The following CDH18 variants were observed in gnomAD, a reference collection of about 807,000 sequenced individuals.
CDH18 encodes the protein cadherin-18.
Under a neutral mutation model 67.9 loss-of-function variants are expected in CDH18, and 31 were observed. The ratio of observed to expected loss-of-function variants is 0.46; its 90% CI spans 0.34 to 0.62. The LOEUF is 0.62. CDH18 is among the 20% of genes least tolerant of loss of function. The probability of loss-of-function intolerance (pLI) is 0.01; values close to 1 mark genes in which losing one functional copy is unlikely to be tolerated. For synonymous variants in CDH18, 362 were observed against 347.2 expected (o/e 1.04, Z -0.48); for missense variants, 890 against 975.5 (o/e 0.91, Z 1.17).
At chr5:19,954,950 A>G (rs1330012817) in intron 2 of CDH18, among the ~76,000 whole-genome samples, 1 of 152,050 alleles carries the variant, frequency 6.6e-6, no homozygotes, top group Non-Finnish European at 1.5e-5. Context: ...GTCTTCACCC[A>G]AATCTCACCA....
At chr5:19,753,399 T>A (rs1240870120) in intron 3 of CDH18, among the ~76,000 whole-genome samples, 1 of 152,116 alleles carries the variant, frequency 6.6e-6, no homozygotes, top group Non-Finnish European at 1.5e-5. Flanking sequence ...TTCTGGAAAG[T>A]CTTAGCAATA....
At chr5:20,004,872 G>A (rs1188587130) in intron 2 of CDH18, among the ~76,000 whole-genome samples, 3 of 151,902 alleles carry the variant, frequency 2.0e-5, no homozygotes, top group African/African-American at 7.2e-5. Context: ...AAATAACAGA[G>A]AAAATAAAAA....
chr5:19,490,394 GTTTTTTTTTTTTTT>G (rs70950073), intron 11 of CDH18, among the ~76,000 whole-genome samples: 7 of 60,210 alleles, frequency 1.2e-4, no homozygotes, highest in South Asian at 6.1e-4. Flanking sequence ...ATAAAAATCT[GTTTTTTTTTTTTTT>G]TTTTTTTTTT....
intron 1 of CDH18, among the ~76,000 whole-genome samples, chr5:20,262,004 A>G (rs1216094468): frequency 1.3e-5 from 2 of 152,220 alleles, no homozygotes; most frequent in African/African-American, 2.4e-5. Flanking sequence ...CAACCTAAAA[A>G]TGATAATTCA....
intron 1 of CDH18, among the ~76,000 whole-genome samples, chr5:20,376,386 C>A (rs188227634): frequency 3.4e-4 from 51 of 151,450 alleles, no homozygotes; most frequent in African/African-American, 1.1e-3. Flanking sequence ...CCGCTCCCGG[C>A]CAAAAACGCA....
chr5:19,546,823 A>G (rs751016585), intron 8 of CDH18, among the ~76,000 whole-genome samples: 2 of 152,194 alleles, frequency 1.3e-5, no homozygotes, highest in Non-Finnish European at 2.9e-5. Context: ...TTATCAGTAA[A>G]AAACACATAA....
chr5:19,922,939 A>G (rs1397054836), intron 2 of CDH18, among the ~76,000 whole-genome samples: 1 of 152,174 alleles, frequency 6.6e-6, no homozygotes, highest in Non-Finnish European at 1.5e-5. Flanking sequence ...CCTCTCAAAT[A>G]TCCTTTTTAA....
intron 5 of CDH18, among the ~76,000 whole-genome samples, chr5:19,653,140 T>G (rs937501860): frequency 4.0e-5 from 6 of 151,788 alleles, no homozygotes; most frequent in Middle Eastern, 3.4e-3. Context: ...TAATGGCGGT[T>G]TTTGCCTTTA....
intron 2 of CDH18, among the ~76,000 whole-genome samples, chr5:19,971,774 A>G (rs893198676): frequency 5.9e-5 from 9 of 151,972 alleles, no homozygotes; most frequent in African/African-American, 1.2e-4. Flanking sequence ...TGATGAAATA[A>G]TTGGTACAAC....
chr5:19,599,641 G>A (rs1335669381), intron 6 of CDH18, among the ~76,000 whole-genome samples: 4 of 152,094 alleles, frequency 2.6e-5, no homozygotes, highest in Admixed American at 1.3e-4. Flanking sequence ...GGTGGCTCAC[G>A]CCTATAATCC....
At chr5:19,601,423 A>C (rs1430686603) in intron 6 of CDH18, among the ~76,000 whole-genome samples, 1 of 152,314 alleles carries the variant, frequency 6.6e-6, no homozygotes, top group East Asian at 1.9e-4. Context: ...GAAAATTCTG[A>C]ATAGACATAC....
chr5:19,505,120 G>A (rs1031212156), intron 10 of CDH18, among the ~76,000 whole-genome samples: 1 of 151,864 alleles, frequency 6.6e-6, no homozygotes, highest in Non-Finnish European at 1.5e-5. Context: ...TATGACAATC[G>A]TGTTTTTTTA....
intron 7 of CDH18, among the ~76,000 whole-genome samples, chr5:19,584,342 G>C (rs1229080156): frequency 6.6e-6 from 1 of 152,172 alleles, no homozygotes; most frequent in Admixed American, 6.5e-5. Flanking sequence ...CGGATTTATA[G>C]AGCAGTGCTG....
At position 19,472,536 on chromosome 5, in the gene CDH18, G is replaced by A. The variant is rs988268054; in HGVS notation, c.*690C>T. ...AAAATAAAAGGGGGTGTACGGGATA[G>A]AGACAATAGTCTCGTGCTCAGTACA... On this transcript the variant is annotated 3_prime_UTR_variant, in exon 13 of 13. Coordinates refer to ENST00000382275, the MANE Select transcript of CDH18 (RefSeq NM_004934.5). Among the ~76,000 whole-genome samples, 2 of 152,102 alleles carry A rather than the reference G, an allele frequency of 1.3e-5. No homozygotes were observed. Among genetic ancestry groups the A allele is most frequent in the African/African-American group, 2.4e-5 (1 of 41,426 alleles).
chr5:19,860,888 T>G lies in CDH18; in HGVS notation c.-256-21646A>C, dbSNP rs1416139204. On this transcript the variant is annotated intron_variant, in intron 2 of 12. Transcript: ENST00000382275. ...GAAATTGTTTCCTAAATTACTTGTT[T>G]CTTTTTCACTCATAATTGTCTCTCT... Among the ~76,000 whole-genome samples, 4 of 152,150 alleles carry G rather than the reference T, an allele frequency of 2.6e-5. No individual in the cohort carries two copies. In the East Asian group the frequency reaches 7.7e-4, roughly 29 times the overall value.
intron 2 of CDH18, among the ~76,000 whole-genome samples, chr5:19,867,698 G>A (rs1477667453): frequency 3.5e-5 from 4 of 112,712 alleles, no homozygotes; most frequent in African/African-American, 6.5e-5. Context: ...AATAAGATAT[G>A]CATATAATAA....
intron 3 of CDH18, among the ~76,000 whole-genome samples, chr5:19,832,269 T>C (rs1358263882): frequency 6.6e-6 from 1 of 152,002 alleles, no homozygotes; most frequent in Admixed American, 6.6e-5. Context: ...AGGTAGAAAT[T>C]TTTTCAAGTC....
At chr5:19,810,477 A>G (rs546145546) in intron 3 of CDH18, among the ~76,000 whole-genome samples, 2 of 152,240 alleles carry the variant, frequency 1.3e-5, no homozygotes, top group South Asian at 4.1e-4. Flanking sequence ...GCATTAATAC[A>G]TTAGAGATAA....
At chr5:19,676,729 AAC>A (rs1184204129) in intron 5 of CDH18, among the ~76,000 whole-genome samples, 1 of 151,922 alleles carries the variant, frequency 6.6e-6, no homozygotes, top group Non-Finnish European at 1.5e-5. Flanking sequence ...CAACTTCTTA[AAC>A]ACACTGTGCA....
Sources: allele counts gnomAD v4.1 joint callset (sites outside exome capture counted in the v4.1 genomes callset), GRCh38; gene constraint gnomAD v4.1.1; transcripts MANE v1.5; gene names NCBI Gene and HGNC (gene_info 2026-07-23, HGNC 2026-07-21).